The following WDR70 variants were observed in gnomAD, a reference collection of about 807,000 sequenced individuals.
WDR70 encodes the protein WD repeat domain 70, also known as WD repeat-containing protein 70.
Under a neutral mutation model 88.6 loss-of-function variants are expected in WDR70, and 53 were observed. The ratio of observed to expected loss-of-function variants is 0.60; its 90% CI spans 0.48 to 0.75. The LOEUF (loss-of-function observed/expected upper bound fraction) is 0.75. Ranked by LOEUF, WDR70 falls within the 30% of genes least tolerant of loss-of-function variation. The probability of loss-of-function intolerance (pLI) is 0.00; values close to 1 mark genes in which losing one functional copy is unlikely to be tolerated. For synonymous variants in WDR70, 280 were observed against 270.0 expected (o/e 1.04, Z -0.36); for missense variants, 610 against 823.2 (o/e 0.74, Z 3.17).
chr5:37,560,263 C>T (rs1009069655), intron 9 of WDR70, among the ~76,000 whole-genome samples: 12 of 151,912 alleles, frequency 7.9e-5, no homozygotes, highest in African/African-American at 2.7e-4. Context: ...AGATCAGGGC[C>T]AGATATTTTT....
chr5:37,424,488 T>A (rs1750060333), intron 5 of WDR70, among the ~76,000 whole-genome samples: 1 of 151,648 alleles, frequency 6.6e-6, no homozygotes, highest in Admixed American at 6.6e-5. Context: ...CACTGTAGCC[T>A]TAAGCTTCCA....
At position 37,416,188 on chromosome 5, in the gene WDR70, G is replaced by A. The variant is rs562171134; in HGVS notation, c.492+19618G>A. 2.3e-3 allele frequency among the ~76,000 whole-genome samples: 348 copies of A among 152,308 alleles called. 2 individuals are homozygous for A. Among genetic ancestry groups the A allele is most frequent in the African/African-American group, 8.1e-3 (336 of 41,558 alleles). On this transcript the variant is annotated intron_variant, in intron 5 of 17. Coordinates refer to ENST00000265107, the MANE Select transcript of WDR70 (RefSeq NM_018034.4). ...TGGGAGGTGGAGGTTGTAGCGAGCCGAGATCACGCCACTGCACTCCAGCCT... is the reference window on the plus strand; with the variant it reads ...TGGGAGGTGGAGGTTGTAGCGAGCCAAGATCACGCCACTGCACTCCAGCCT...
intron 10 of WDR70, among the ~76,000 whole-genome samples, chr5:37,634,268 C>T (rs962141984): frequency 1.4e-4 from 19 of 140,508 alleles, no homozygotes; most frequent in Non-Finnish European, 2.7e-4. Context: ...CACTGCACTC[C>T]AGCCTGGGCG....
chr5:37,736,427 C>T (rs981000647), intron 17 of WDR70, among the ~76,000 whole-genome samples: 1 of 152,102 alleles, frequency 6.6e-6, no homozygotes, highest in Non-Finnish European at 1.5e-5. Context: ...AGAAGCCACT[C>T]TGTGAGCAAG....
intron 12 of WDR70, among the ~76,000 whole-genome samples, chr5:37,702,587 C>G (rs1262628854): frequency 6.6e-6 from 1 of 152,134 alleles, no homozygotes; most frequent in Non-Finnish European, 1.5e-5. Context: ...CGTAGACACT[C>G]TTAATGTCTA....
intron 17 of WDR70, among the ~76,000 whole-genome samples, chr5:37,747,785 CAA>C (rs1045962158): frequency 1.1e-3 from 169 of 152,296 alleles, no homozygotes; most frequent in African/African-American, 3.7e-3. Context: ...GCAACTTCAG[CAA>C]AGTCTCAAGA....
At chr5:37,507,012 C>G (rs531270593) in intron 8 of WDR70, among the ~76,000 whole-genome samples, 1 of 152,324 alleles carries the variant, frequency 6.6e-6, no homozygotes, top group East Asian at 1.9e-4. Context: ...CACACAGGCA[C>G]TCTGTCCCAC....
chr5:37,442,126 C>T (rs1750674422), intron 6 of WDR70, among the ~76,000 whole-genome samples: 1 of 151,506 alleles, frequency 6.6e-6, no homozygotes, highest in African/African-American at 2.4e-5. Flanking sequence ...CAACCTCTGC[C>T]TCCCGAGTTC....
intron 9 of WDR70, among the ~76,000 whole-genome samples, chr5:37,574,430 C>G (rs961392442): frequency 2.0e-5 from 3 of 152,312 alleles, no homozygotes; most frequent in Admixed American, 6.5e-5. Flanking sequence ...CTTTTCCTTA[C>G]CTTAGTCATC....
chr5:37,397,359 T>A (rs757893857), intron 5 of WDR70, among the ~76,000 whole-genome samples: 27 of 151,594 alleles, frequency 1.8e-4, no homozygotes, highest in Non-Finnish European at 3.4e-4. Context: ...ATCCCAGCAC[T>A]CTGAGAGGCC....
intron 5 of WDR70, among the ~76,000 whole-genome samples, chr5:37,402,453 T>C (rs932746737): frequency 6.6e-6 from 1 of 152,064 alleles, no homozygotes; most frequent in South Asian, 2.1e-4. Flanking sequence ...TCCTTTCCTT[T>C]GGATATATAC....
intron 10 of WDR70, among the ~76,000 whole-genome samples, chr5:37,680,875 A>G (rs1327412185): frequency 6.6e-6 from 1 of 152,212 alleles, no homozygotes; most frequent in South Asian, 2.1e-4. Flanking sequence ...TGCCTTGGCT[A>G]TTCATGCTCT....
At chr5:37,524,261 A>G (rs1220051578) in intron 9 of WDR70, among the ~76,000 whole-genome samples, 3 of 152,266 alleles carry the variant, frequency 2.0e-5, no homozygotes, top group African/African-American at 4.8e-5. Flanking sequence ...AGGGAAGCCC[A>G]TCAGAATAAC....
At chr5:37,714,274 A>AT (rs957467232) in intron 13 of WDR70, among the ~76,000 whole-genome samples, 8 of 152,180 alleles carry the variant, frequency 5.3e-5, no homozygotes, top group African/African-American at 1.9e-4. Context: ...TTACTGTTTT[A>AT]TTTATATAAA....
intron 9 of WDR70, among the ~76,000 whole-genome samples, chr5:37,568,932 C>T (rs1176678579): frequency 2.6e-5 from 4 of 152,114 alleles, no homozygotes; most frequent in Admixed American, 6.5e-5. Context: ...CATCTCTGCT[C>T]ATGGAGCACC....
chr5:37,430,771 G>A (rs1240984148), intron 5 of WDR70, among the ~76,000 whole-genome samples: 1 of 152,086 alleles, frequency 6.6e-6, no homozygotes, highest in Non-Finnish European at 1.5e-5. Context: ...ATGTTGGCCA[G>A]GCTGGTCTCA....
intron 17 of WDR70, among the ~76,000 whole-genome samples, chr5:37,747,452 C>G (rs563923324): frequency 1.3e-5 from 2 of 152,228 alleles, no homozygotes; most frequent in Admixed American, 6.5e-5. Flanking sequence ...ATTCAACACC[C>G]CTTCATTTTA....
chr5:37,475,531 C>A (rs552704621), intron 7 of WDR70, among the ~76,000 whole-genome samples: 1 of 152,322 alleles, frequency 6.6e-6, no homozygotes, highest in South Asian at 2.1e-4. Flanking sequence ...AGCCACCACG[C>A]CTGGCCCTCA....
intron 9 of WDR70, among the ~76,000 whole-genome samples, chr5:37,593,233 G>A (rs1258344218): frequency 6.6e-6 from 1 of 152,132 alleles, no homozygotes; most frequent in Non-Finnish European, 1.5e-5. Flanking sequence ...AGGTATACAT[G>A]TGCCATGTTG....
Sources: allele counts gnomAD v4.1 joint callset (sites outside exome capture counted in the v4.1 genomes callset), GRCh38; gene constraint gnomAD v4.1.1; transcripts MANE v1.5; gene names NCBI Gene and HGNC (gene_info 2026-07-23, HGNC 2026-07-21).